Variants in RGS8 observed in about 807,000 individuals in gnomAD.
RGS8 encodes the protein regulator of G-protein signaling 8.
Under a neutral mutation model 21.7 loss-of-function variants are expected in RGS8, and 8 were observed. That is an observed-to-expected ratio of 0.37 (90% CI 0.22 to 0.66). The LOEUF (loss-of-function observed/expected upper bound fraction) is 0.66. Ranked by LOEUF, RGS8 falls within the 30% of genes least tolerant of loss-of-function variation. The probability of loss-of-function intolerance (pLI) is 0.59; values close to 1 mark genes in which losing one functional copy is unlikely to be tolerated. For missense variants in RGS8, 157 were observed against 217.9 expected (o/e 0.72, Z 1.76); for synonymous variants, 80 against 83.6 (o/e 0.96, Z 0.24).
the RGS8 span, among the ~76,000 whole-genome samples, chr1:182,730,843 A>T: frequency 4.6e-5 from 7 of 152,186 alleles, no homozygotes; most frequent in Admixed American, 4.6e-4. Context: ...GACCAGTCTC[A>T]TTCCCGGAAA....
At chr1:182,694,149 A>G in the RGS8 span, among the ~76,000 whole-genome samples, 1 of 152,096 alleles carries the variant, frequency 6.6e-6, no homozygotes, top group Admixed American at 6.5e-5. Context: ...AAAAAAAAAA[A>G]GAAAGTTTAC....
At chr1:182,663,234 C>G (rs972226301) in intron 5 of RGS8, among the ~76,000 whole-genome samples, 5 of 152,204 alleles carry the variant, frequency 3.3e-5, no homozygotes, top group African/African-American at 7.2e-5. Context: ...ACAATACCAA[C>G]TCAAATTAAT....
At chr1:182,683,916 T>C (rs1411057078) in intron 1 of RGS8, among the ~76,000 whole-genome samples, 3 of 152,146 alleles carry the variant, frequency 2.0e-5, no homozygotes, top group Non-Finnish European at 2.9e-5. Flanking sequence ...AAGCAACCCA[T>C]TTAAAACAAC....
At chr1:182,653,231 G>C (rs959787288) in intron 5 of RGS8, among the ~76,000 whole-genome samples, 3 of 152,194 alleles carry the variant, frequency 2.0e-5, no homozygotes, top group African/African-American at 7.2e-5. Flanking sequence ...GTGTGATGGG[G>C]TTCTAGGTGT....
the RGS8 span, among the ~76,000 whole-genome samples, chr1:182,703,192 G>T: frequency 6.6e-6 from 1 of 152,152 alleles, no homozygotes; most frequent in South Asian, 2.1e-4. Flanking sequence ...CAAATTCCCT[G>T]CCTATGCCTT....
At chr1:182,702,037 A>C in the RGS8 span, among the ~76,000 whole-genome samples, 1 of 152,204 alleles carries the variant, frequency 6.6e-6, no homozygotes, top group Non-Finnish European at 1.5e-5. Flanking sequence ...AGGTTTCTCA[A>C]AGAACTTAGA....
At chr1:182,711,603 G>A in the RGS8 span, among the ~76,000 whole-genome samples, 5 of 152,170 alleles carry the variant, frequency 3.3e-5, no homozygotes, top group Non-Finnish European at 7.3e-5. Context: ...ATACTCAGTG[G>A]GCTGGGGTCA....
chr1:182,646,650 C>A, exon 7 of RGS8: 5 of 1,260,420 alleles, frequency 4.0e-6, no homozygotes, highest in Admixed American at 4.5e-5. Context: ...CGCTTTTGAA[C>A]ACCTATGACA....
At chr1:182,693,774 T>C in the RGS8 span, among the ~76,000 whole-genome samples, 1 of 152,198 alleles carries the variant, frequency 6.6e-6, no homozygotes, top group Non-Finnish European at 1.5e-5. Context: ...ATGTATACCA[T>C]TGAATACTAC....
intron 5 of RGS8, among the ~76,000 whole-genome samples, chr1:182,663,173 C>G (rs553578978): frequency 7.4e-4 from 113 of 152,292 alleles, no homozygotes; most frequent in African/African-American, 2.4e-3. Context: ...TCCTAAGAGA[C>G]GAGCACACGT....
chr1:182,646,778 A>G, exon 7 of RGS8: 2 of 1,614,124 alleles, frequency 1.2e-6, no homozygotes. Flanking sequence ...ATCTAAGTAC[A>G]TTTTGGACCT....
the RGS8 span, among the ~76,000 whole-genome samples, chr1:182,695,967 G>A: frequency 0.036 from 5,494 of 152,264 alleles, 130 homozygotes; most frequent in Admixed American, 0.045. Context: ...TGCTCAATAT[G>A]AATTTTGATT....
chr1:182,745,929 A>C, the RGS8 span, among the ~76,000 whole-genome samples: 1 of 152,014 alleles, frequency 6.6e-6, no homozygotes, highest in Non-Finnish European at 1.5e-5. Flanking sequence ...CATCCTTCTA[A>C]TAAATTCCTC....
At chr1:182,729,875 G>A in the RGS8 span, among the ~76,000 whole-genome samples, 3 of 152,206 alleles carry the variant, frequency 2.0e-5, no homozygotes, top group East Asian at 1.9e-4. Flanking sequence ...AAGAAAGAAC[G>A]AACGGAGGAT....
chr1:182,657,634 G>A (rs1465159035), intron 5 of RGS8, among the ~76,000 whole-genome samples: 1 of 152,106 alleles, frequency 6.6e-6, no homozygotes, highest in East Asian at 1.9e-4. Context: ...TTCTGTCATG[G>A]CTCTAACCCA....
the RGS8 span, among the ~76,000 whole-genome samples, chr1:182,746,534 G>A: frequency 1.3e-5 from 2 of 152,098 alleles, no homozygotes; most frequent in Non-Finnish European, 2.9e-5. Flanking sequence ...GGGCAGGGTG[G>A]CTTATGCCTG....
the RGS8 span, among the ~76,000 whole-genome samples, chr1:182,739,946 C>T: frequency 6.6e-6 from 1 of 152,230 alleles, no homozygotes; most frequent in Non-Finnish European, 1.5e-5. Flanking sequence ...CTGTCTCACA[C>T]ATTCCATGCT....
chr1:182,654,847 C>A (rs936961675), intron 5 of RGS8, among the ~76,000 whole-genome samples: 1 of 152,108 alleles, frequency 6.6e-6, no homozygotes, highest in Non-Finnish European at 1.5e-5. Flanking sequence ...CAGTTCCAGG[C>A]TGGCAGATGA....
At chr1:182,702,633 A>G in the RGS8 span, among the ~76,000 whole-genome samples, 1 of 152,256 alleles carries the variant, frequency 6.6e-6, no homozygotes, top group Non-Finnish European at 1.5e-5. Context: ...CTAAAGATCC[A>G]ATCGTAAGTA....
Sources: gnomAD v4.1 joint callset for allele counts (sites outside exome capture counted in the v4.1 genomes callset) on GRCh38, gnomAD v4.1.1 for gene constraint, MANE v1.5 for transcripts, NCBI Gene and HGNC (gene_info 2026-07-23, HGNC 2026-07-21) for gene names.